SPTLC3: variants seen among roughly 807,000 people sequenced by gnomAD.
SPTLC3 encodes the protein serine palmitoyltransferase 3.
SPTLC3 carries 36 observed loss-of-function variants against 59.3 expected under a neutral mutation model. The observed-to-expected ratio is 0.61, with a 90% CI of 0.47 to 0.80. The LOEUF is 0.80. Ranked by LOEUF, SPTLC3 falls within the 30% of genes least tolerant of loss-of-function variation. SPTLC3 has a pLI of 0.00. For missense variants in SPTLC3, 625 were observed against 685.1 expected (o/e 0.91, Z 0.98); for synonymous variants, 257 against 240.8 (o/e 1.07, Z -0.62).
intron 6 of SPTLC3, among the ~76,000 whole-genome samples, chr20:13,104,334 C>G (rs1199670548): frequency 6.6e-6 from 1 of 152,068 alleles, no homozygotes; most frequent in Admixed American, 6.6e-5. Context: ...ATTATGGGGG[C>G]GGTTCCCCCT....
rs971263130 is a variant in SPTLC3, at chr20:13,009,077, C to T, written c.-191C>T. 18 of 582,110 alleles carry T rather than the reference C, an allele frequency of 3.1e-5. No homozygotes were observed. Among genetic ancestry groups the T allele is most frequent in the South Asian group, 6.2e-5 (3 of 48,408 alleles). 36.1% of individuals were successfully genotyped at this position (582,110 alleles called of 1,614,324 possible). A position where few individuals can be genotyped will look rare whatever the true frequency, so the allele number is the denominator to read the frequency against. The stretch of plus-strand genomic sequence containing the variant: ...CGGGAGTTGAGAAGTATAAAGGTAA[C>T]CATTTGTTTTAGTTTCAACGATCTG... On this transcript the variant is annotated 5_prime_UTR_variant, in exon 1 of 12. Transcript: ENST00000399002.
chr20:13,103,105 T>C (rs1989673128), intron 6 of SPTLC3, among the ~76,000 whole-genome samples: 2 of 152,184 alleles, frequency 1.3e-5, no homozygotes, highest in Admixed American at 1.3e-4. Context: ...CCAAAGTCCT[T>C]GCACAATCTG....
intron 7 of SPTLC3, among the ~76,000 whole-genome samples, chr20:13,116,090 C>T (rs1453733672): frequency 1.3e-5 from 2 of 152,178 alleles, no homozygotes; most frequent in East Asian, 1.9e-4. Context: ...AAAACTACCT[C>T]GTGGAACACA....
At chr20:13,132,171 A>ATTTTTT (rs35718222) in intron 9 of SPTLC3, among the ~76,000 whole-genome samples, 12 of 103,990 alleles carry the variant, frequency 1.2e-4, no homozygotes, top group Admixed American at 4.4e-4. Flanking sequence ...CCTTGCTTTA[A>ATTTTTT]TTTTTTTTTT....
intron 10 of SPTLC3, among the ~76,000 whole-genome samples, chr20:13,158,674 C>G (rs773702453): frequency 6.6e-6 from 1 of 152,186 alleles, no homozygotes; most frequent in Non-Finnish European, 1.5e-5. Context: ...GCTTCATCTC[C>G]TTCTAACCTT....
Position 13,165,065 on chromosome 20 carries a change from T to G in SPTLC3, c.*198T>G, listed in dbSNP as rs2038967051. The G allele has an allele frequency of 1.9e-6, 1 of 531,522 alleles. No individual in the cohort carries two copies. The highest frequency in any genetic ancestry group is 3.4e-5 in the Admixed American group (1 of 29,002). 32.9% of individuals were successfully genotyped at this position (531,522 alleles called of 1,614,324 possible). A position where few individuals can be genotyped will look rare whatever the true frequency, so the allele number is the denominator to read the frequency against. The stretch of plus-strand genomic sequence containing the variant: ...AGAGACAAAAACATGATTCCAGATT[T>G]AAGTCTCTCTTCTTCCAAGTATTCT... On this transcript the variant is annotated 3_prime_UTR_variant, in exon 12 of 12. Transcript: ENST00000399002.
At chr20:13,074,091 A>C (rs542057936) in intron 3 of SPTLC3, 8 of 666,810 alleles carry the variant, frequency 1.2e-5, no homozygotes, top group Admixed American at 9.5e-5. Context: ...CTGGCTGTTC[A>C]TCCTTTTCCA....
intron 9 of SPTLC3, among the ~76,000 whole-genome samples, chr20:13,150,946 G>C (rs948444777): frequency 3.9e-5 from 6 of 152,038 alleles, no homozygotes; most frequent in African/African-American, 1.5e-4. Context: ...CCTCTTATGA[G>C]CTCTCATAAC....
chr20:13,143,669 A>T (rs1183363662), intron 9 of SPTLC3, among the ~76,000 whole-genome samples: 3 of 152,160 alleles, frequency 2.0e-5, no homozygotes, highest in Admixed American at 6.5e-5. Flanking sequence ...TGTTCAGTGC[A>T]TCCTACCCTA....
rs1217357971 is a variant in SPTLC3, at chr20:13,130,900, C to T, written c.1279+4183C>T. Among the ~76,000 whole-genome samples, 6 of 152,306 alleles carry T rather than the reference C, an allele frequency of 3.9e-5. No homozygotes were observed. The East Asian group carries it at 7.7e-4, about 20-fold the overall frequency. On this transcript the variant is annotated intron_variant, in intron 9 of 11. Transcript: ENST00000399002. Reference sequence around the variant, plus strand: ...CATGACTCAACTTCCCTCTTGCCAGCCTGCTCCATTTCAGGCCAATGTTTA... The same window carrying T: ...CATGACTCAACTTCCCTCTTGCCAGTCTGCTCCATTTCAGGCCAATGTTTA...
intron 4 of SPTLC3, among the ~76,000 whole-genome samples, chr20:13,085,297 G>T (rs1470963987): frequency 6.6e-6 from 1 of 152,110 alleles, no homozygotes; most frequent in Non-Finnish European, 1.5e-5. Flanking sequence ...CCATTAGACT[G>T]GATGGAAGTG....
At chr20:13,108,652 G>GGT in intron 6 of SPTLC3, among the ~76,000 whole-genome samples, 1 of 151,768 alleles carries the variant, frequency 6.6e-6, no homozygotes, top group East Asian at 1.9e-4. Context: ...TCGGCTCACT[G>GGT]CAACATCCGT....
chr20:13,157,332 G>C (rs548685512), intron 10 of SPTLC3, among the ~76,000 whole-genome samples: 1 of 152,178 alleles, frequency 6.6e-6, no homozygotes, highest in South Asian at 2.1e-4. Context: ...AGCTACTTGG[G>C]AGATTGAGGC....
intron 7 of SPTLC3, among the ~76,000 whole-genome samples, chr20:13,113,693 T>C (rs775276611): frequency 1.3e-5 from 2 of 152,322 alleles, no homozygotes; most frequent in South Asian, 2.1e-4. Flanking sequence ...ATAATAAATA[T>C]TCAATGAGGT....
intron 9 of SPTLC3, among the ~76,000 whole-genome samples, chr20:13,153,500 A>G (rs1257051629): frequency 2.0e-5 from 3 of 152,168 alleles, no homozygotes; most frequent in Non-Finnish European, 4.4e-5. Context: ...GTCTATGAAT[A>G]TGCTATCCCT....
intron 4 of SPTLC3, among the ~76,000 whole-genome samples, chr20:13,083,859 T>C (rs1297456973): frequency 6.6e-6 from 1 of 152,174 alleles, no homozygotes; most frequent in Non-Finnish European, 1.5e-5. Context: ...GTCAACACTG[T>C]TGGCCCACTG....
intron 1 of SPTLC3, among the ~76,000 whole-genome samples, chr20:13,027,393 G>T (rs1986202788): frequency 6.6e-6 from 1 of 152,104 alleles, no homozygotes; most frequent in African/African-American, 2.4e-5. Context: ...CCTGTTTTAG[G>T]ATGAGAAAAT....
chr20:13,055,478 A>G (rs1987684042), intron 2 of SPTLC3, among the ~76,000 whole-genome samples: 1 of 152,110 alleles, frequency 6.6e-6, no homozygotes, highest in African/African-American at 2.4e-5. Flanking sequence ...ACAAGTAACT[A>G]ATGCATAATA....
At chr20:13,113,194 C>A (rs1331120107) in intron 7 of SPTLC3, among the ~76,000 whole-genome samples, 7 of 151,962 alleles carry the variant, frequency 4.6e-5, no homozygotes, top group African/African-American at 7.2e-5. Context: ...ACAACAACAA[C>A]AACAAAAAAT....
Sources: allele counts gnomAD v4.1 joint callset (sites outside exome capture counted in the v4.1 genomes callset), GRCh38; gene constraint gnomAD v4.1.1; transcripts MANE v1.5; gene names NCBI Gene and HGNC (gene_info 2026-07-23, HGNC 2026-07-21).